Variants in BRINP2 observed in about 807,000 individuals in gnomAD.
BRINP2 encodes the protein BMP/retinoic acid inducible neural specific 2.
A neutral mutation model predicts 69.2 loss-of-function variants in BRINP2; 21 were observed. The ratio of observed to expected loss-of-function variants is 0.30; its 90% confidence interval spans 0.22 to 0.44. The LOEUF (loss-of-function observed/expected upper bound fraction) is 0.44, where lower values mean the gene tolerates loss of function less well. Ranked by LOEUF, BRINP2 falls within the 20% of genes least tolerant of loss-of-function variation. The probability of loss-of-function intolerance (pLI) is 1.00; values close to 1 mark genes in which losing one functional copy is unlikely to be tolerated. For missense variants in BRINP2, 877 were observed against 986.0 expected (o/e 0.89, Z 1.48); for synonymous variants, 380 against 394.1 (o/e 0.96, Z 0.42).
intron 1 of BRINP2, among the ~76,000 whole-genome samples, chr1:177,171,977 G>A (rs888271654): frequency 1.3e-5 from 2 of 152,148 alleles, no homozygotes; most frequent in Non-Finnish European, 2.9e-5. Context: ...CAGAGGGTTT[G>A]GGCTCCCTGC....
chr1:177,232,218 C>T (rs1342005334), intron 2 of BRINP2, among the ~76,000 whole-genome samples: 1 of 152,202 alleles, frequency 6.6e-6, no homozygotes, highest in Non-Finnish European at 1.5e-5. Flanking sequence ...AAACTCTCAG[C>T]TTCCTTATCC....
intron 1 of BRINP2, among the ~76,000 whole-genome samples, chr1:177,197,087 C>T (rs562780275): frequency 9.2e-5 from 14 of 152,146 alleles, no homozygotes; most frequent in Admixed American, 5.2e-4. Flanking sequence ...AAAGAAATAC[C>T]TGAGACTGGG....
At chr1:177,277,495 G>A (rs1016755410) in intron 6 of BRINP2, among the ~76,000 whole-genome samples, 3 of 151,476 alleles carry the variant, frequency 2.0e-5, no homozygotes, top group Non-Finnish European at 2.9e-5. Context: ...TGCTCTGCAT[G>A]CTCTTCCATA....
At chr1:177,217,427 T>C (rs756587737) in intron 1 of BRINP2, among the ~76,000 whole-genome samples, 9 of 152,264 alleles carry the variant, frequency 5.9e-5, no homozygotes, top group Non-Finnish European at 5.9e-5. Flanking sequence ...ATGTTTAATC[T>C]GTATCTTCTT....
chr1:177,273,541 C>T lies in BRINP2; in HGVS notation c.723C>T (p.Asp241=). The T allele has an allele frequency of 6.2e-7, 1 of 1,609,542 alleles. No homozygotes were observed. The highest frequency in any genetic ancestry group is 8.5e-7 in the Non-Finnish European group (1 of 1,177,848). The change falls in exon 5 of 8, where the codon GAC becomes GAT. Residue 241 remains aspartate (D), a synonymous_variant. Transcript: ENST00000361539. ...PLGCSNYDNL[D]SVSSVLVQSP... The stretch of plus-strand genomic sequence containing the variant: ...GCTGCAGCAACTATGACAATCTGGA[C>T]TCAGTCAGTTCTGTCTTGGTACAGA...
At chr1:177,265,085 C>T (rs765290992) in intron 4 of BRINP2, among the ~76,000 whole-genome samples, 13 of 152,188 alleles carry the variant, frequency 8.5e-5, no homozygotes, top group Admixed American at 3.9e-4. Context: ...CGAAATAGCA[C>T]GGTACTGGTA....
intron 1 of BRINP2, among the ~76,000 whole-genome samples, chr1:177,175,188 G>A (rs1571879392): frequency 6.6e-6 from 1 of 152,250 alleles, no homozygotes; most frequent in Non-Finnish European, 1.5e-5. Context: ...TAAGATTCTT[G>A]AGCATGCCCA....
chr1:177,202,491 T>G (rs1648944376), intron 1 of BRINP2, among the ~76,000 whole-genome samples: 1 of 152,332 alleles, frequency 6.6e-6, no homozygotes, highest in South Asian at 2.1e-4. Context: ...GGTTGTTCAG[T>G]TTCCATGTAG....
chr1:177,177,363 A>G (rs34952443), intron 1 of BRINP2, among the ~76,000 whole-genome samples: 1 of 152,204 alleles, frequency 6.6e-6, no homozygotes, highest in Non-Finnish European at 1.5e-5. Flanking sequence ...GGGAGAAGAC[A>G]CAATAATTGA....
chr1:177,224,931 A>G (rs1370152238), intron 1 of BRINP2, among the ~76,000 whole-genome samples: 1 of 152,192 alleles, frequency 6.6e-6, no homozygotes, highest in African/African-American at 2.4e-5. Flanking sequence ...TAACTCCCCA[A>G]GATATAACCC....
At chr1:177,203,558 T>C (rs1339275351) in intron 1 of BRINP2, among the ~76,000 whole-genome samples, 1 of 151,506 alleles carries the variant, frequency 6.6e-6, no homozygotes, top group Non-Finnish European at 1.5e-5. Context: ...AATAAAGGAA[T>C]GAAAATAAAA....
intron 2 of BRINP2, among the ~76,000 whole-genome samples, chr1:177,251,148 C>T (rs1357737253): frequency 6.6e-6 from 1 of 152,120 alleles, no homozygotes; most frequent in African/African-American, 2.4e-5. Flanking sequence ...TGGACTTAGG[C>T]CTTTATCTGT....
intron 2 of BRINP2, 144 bp from the exon 3 acceptor site, chr1:177,255,775 C>T (rs113436772): frequency 0.024 from 19,660 of 821,446 alleles, 292 homozygotes; most frequent in Non-Finnish European, 0.03. Flanking sequence ...CTCTTCCAGG[C>T]TCTGGGCACC....
chr1:177,219,475 G>C (rs141071378), intron 1 of BRINP2, among the ~76,000 whole-genome samples: 1 of 152,350 alleles, frequency 6.6e-6, no homozygotes, highest in Non-Finnish European at 1.5e-5. Flanking sequence ...ATTTTAGCTA[G>C]AGTTTGTGAT....
intron 1 of BRINP2, among the ~76,000 whole-genome samples, chr1:177,215,012 A>G (rs952405432): frequency 2.0e-5 from 3 of 152,120 alleles, no homozygotes; most frequent in African/African-American, 7.2e-5. Flanking sequence ...AATCAAACTT[A>G]TTTCTTCTAT....
At chr1:177,191,746 G>A (rs1000491290) in intron 1 of BRINP2, among the ~76,000 whole-genome samples, 9 of 152,148 alleles carry the variant, frequency 5.9e-5, no homozygotes, top group African/African-American at 1.9e-4. Flanking sequence ...GAGCCACCAC[G>A]CCCAGCTCTG....
Position 177,281,414 on chromosome 1 carries a change from G to T in BRINP2, c.2238G>T (p.Arg746=), listed in dbSNP as rs1451753206. ...VRLDLFSCLL[R]HRLKLANNEV... is the part of the protein sequence containing the mutation. ...TTGACCTTTTCTCCTGCTTGCTCCG[G>T]CATCGGCTTAAGCTGGCCAACAATG... The change falls in exon 8 of 8, where the codon CGG becomes CGT. Residue 746 remains arginine, a synonymous_variant. Transcript: ENST00000361539. 6.2e-7 allele frequency: 1 copy of T among 1,614,074 alleles called. No individual in the cohort carries two copies. Among genetic ancestry groups the T allele is most frequent in the Admixed American group, 1.7e-5 (1 of 60,008 alleles).
chr1:177,178,825 A>G (rs1408155334), intron 1 of BRINP2, among the ~76,000 whole-genome samples: 1 of 152,196 alleles, frequency 6.6e-6, no homozygotes, highest in East Asian at 1.9e-4. Context: ...AACACAGATA[A>G]AAGGTCTGCC....
At chr1:177,237,930 AT>A (rs1174806814) in intron 2 of BRINP2, among the ~76,000 whole-genome samples, 1 of 151,816 alleles carries the variant, frequency 6.6e-6, no homozygotes, top group Non-Finnish European at 1.5e-5. Context: ...GATTCTCAAT[AT>A]TTTTTTCTTT....
Sources: allele counts gnomAD v4.1 joint callset (sites outside exome capture counted in the v4.1 genomes callset), GRCh38; gene constraint gnomAD v4.1.1; transcripts MANE v1.5; gene names NCBI Gene and HGNC (gene_info 2026-07-23, HGNC 2026-07-21).